Variants in AKNAD1 observed in about 807,000 individuals in gnomAD.
The protein encoded by AKNAD1 is AKNA domain containing 1, also known as protein AKNAD1.
A neutral mutation model predicts 90.8 loss-of-function variants in AKNAD1; 67 were observed. That is an observed-to-expected ratio of 0.74 (90% confidence interval 0.61 to 0.90). The LOEUF is 0.90. AKNAD1 is among the 40% of genes least tolerant of loss of function. The pLI, the probability that AKNAD1 is intolerant of heterozygous loss-of-function variation, is 0.00. For missense variants in AKNAD1, 957 were observed against 975.4 expected (o/e 0.98, Z 0.25); for synonymous variants, 327 against 341.4 (o/e 0.96, Z 0.46).
intron 1 of AKNAD1, among the ~76,000 whole-genome samples, chr1:108,855,442 C>G (rs1250857722): frequency 6.6e-6 from 1 of 150,766 alleles, no homozygotes; most frequent in Non-Finnish European, 1.5e-5. Context: ...TCTACAAGAA[C>G]TTTAAGACAA....
chr1:108,849,135 A>C (rs1557837482), intron 3 of AKNAD1, 75 bp from the exon 4 acceptor site: 1 of 1,329,910 alleles, frequency 7.5e-7, no homozygotes, highest in Non-Finnish European at 1.0e-6. Flanking sequence ...TGAAAACAGA[A>C]AGCTGTTGCA....
intron 9 of AKNAD1, 62 bp downstream of exon 9, chr1:108,834,385 G>GGT (rs1324656689): frequency 8.0e-6 from 11 of 1,370,990 alleles, no homozygotes; most frequent in Non-Finnish European, 1.1e-5. Context: ...CAGCAACACT[G>GGT]GTTTTAGTTA....
intron 6 of AKNAD1, among the ~76,000 whole-genome samples, chr1:108,841,826 G>A (rs1314819735): frequency 6.6e-6 from 1 of 152,106 alleles, no homozygotes; most frequent in Non-Finnish European, 1.5e-5. Context: ...GCCGAGATTT[G>A]GGAAAGTCTG....
At chr1:108,842,104 A>G (rs933007295) in intron 6 of AKNAD1, among the ~76,000 whole-genome samples, 1 of 152,114 alleles carries the variant, frequency 6.6e-6, no homozygotes, top group African/African-American at 2.4e-5. Flanking sequence ...TCTCCCCCCA[A>G]AAAAAGCCTT....
chr1:108,857,981 G>A (rs1665096196), upstream of AKNAD1: 2 of 152,576 alleles, frequency 1.3e-5, no homozygotes, highest in East Asian at 1.9e-4. Flanking sequence ...ATGCTGCTCT[G>A]TCTTCAAACA....
chr1:108,843,339 A>G, intron 5 of AKNAD1, 72 bp from the exon 6 acceptor site: 6 of 1,577,950 alleles, frequency 3.8e-6, no homozygotes, highest in Non-Finnish European at 5.2e-6. Context: ...AAAAACACAA[A>G]GCAGGTGTAC....
chr1:108,830,097 CTT>C (rs2101177153), intron 10 of AKNAD1, among the ~76,000 whole-genome samples: 1 of 152,204 alleles, frequency 6.6e-6, no homozygotes, highest in Admixed American at 6.5e-5. Context: ...ACAGAGAAGA[CTT>C]TTGCTCATCA....
chr1:108,846,898 G>A (rs185427948), intron 5 of AKNAD1, among the ~76,000 whole-genome samples: 246 of 151,970 alleles, frequency 1.6e-3, no homozygotes, highest in Non-Finnish European at 2.5e-3. Context: ...CATTCTAAAC[G>A]GGATCCTCTA....
chr1:108,823,276 C>T (rs761183528), intron 13 of AKNAD1, 94 bp downstream of exon 13: 14 of 1,043,140 alleles, frequency 1.3e-5, no homozygotes, highest in Non-Finnish European at 2.0e-5. Flanking sequence ...CCAGGGCTTC[C>T]CAGATGGAAG....
chr1:108,818,686 G>C (rs1438866956), intron 14 of AKNAD1, among the ~76,000 whole-genome samples: 1 of 152,114 alleles, frequency 6.6e-6, no homozygotes, highest in Non-Finnish European at 1.5e-5. Context: ...AAGTCGGCCA[G>C]GCATGGTGGC....
rs373729478 is a variant in AKNAD1 at position 108,823,259 on chromosome 1, G to C, written c.2167+111C>G. ...GTGCACAAGACCTGGGCAGCAAAAT[G>C]GAGAGGCCAGGGCTTCCCAGATGGA... On this transcript the variant is annotated intron_variant, in intron 13 of 15. Coordinates refer to ENST00000370001, the MANE Select transcript of AKNAD1 (RefSeq NM_152763.5). The C allele has an allele frequency of 6.8e-6, 6 of 881,022 alleles. No homozygotes were observed. In the African/African-American group the frequency reaches 8.3e-5, roughly 12 times the overall value. 54.6% of individuals were successfully genotyped at this position (881,022 alleles called of 1,614,324 possible). A position where few individuals can be genotyped will look rare whatever the true frequency, so the allele number is the denominator to read the frequency against.
chr1:108,849,263 T>C (rs1664785606), intron 3 of AKNAD1, among the ~76,000 whole-genome samples: 1 of 152,146 alleles, frequency 6.6e-6, no homozygotes, highest in African/African-American at 2.4e-5. Context: ...GGGGGATCAC[T>C]TGAAGCCAGG....
chr1:108,841,392 A>G (rs143817402), intron 6 of AKNAD1, among the ~76,000 whole-genome samples: 1 of 152,160 alleles, frequency 6.6e-6, no homozygotes, highest in Non-Finnish European at 1.5e-5. Context: ...AGAACATAAG[A>G]TTTTATGCTG....
rs1328708873 is a variant in AKNAD1 at position 108,841,267 on chromosome 1, GACC to G, written c.1379+1864_1379+1866del. 4.6e-5 allele frequency among the ~76,000 whole-genome samples: 7 copies of G among 152,170 alleles called. No individual in the cohort carries two copies. In the East Asian group the frequency reaches 1.4e-3, roughly 29 times the overall value. On this transcript the variant is annotated intron_variant, in intron 6 of 15. Transcript: ENST00000370001. ...GGAAGTAGAAAGGGATGGGTTCAAGGACCATGGCTAGAGAGGTTGGAGAGCAGA... is the reference window on the plus strand; with the variant it reads ...GGAAGTAGAAAGGGATGGGTTCAAGGATGGCTAGAGAGGTTGGAGAGCAGA...
intron 1 of AKNAD1, 123 bp from the exon 2 acceptor site, chr1:108,852,890 TCAAC>T: frequency 2.5e-6 from 1 of 398,142 alleles, no homozygotes. Flanking sequence ...GGCAGGAAGC[TCAAC>T]CACAAGCTGA....
At chr1:108,853,389 C>A (rs1664930325) in intron 1 of AKNAD1, among the ~76,000 whole-genome samples, 1 of 151,814 alleles carries the variant, frequency 6.6e-6, no homozygotes, top group Non-Finnish European at 1.5e-5. Context: ...CCTTGGCCTC[C>A]CAAAGTGCTG....
At chr1:108,827,624 C>CT (rs1362289833) in intron 10 of AKNAD1, among the ~76,000 whole-genome samples, 1 of 150,372 alleles carries the variant, frequency 6.7e-6, no homozygotes, top group Non-Finnish European at 1.5e-5. Context: ...ACCATCCTGG[C>CT]TAACACGGTG....
At chr1:108,839,168 T>C (rs115248628) in intron 6 of AKNAD1, among the ~76,000 whole-genome samples, 1,957 of 152,234 alleles carry the variant, frequency 0.013, 35 homozygotes, top group African/African-American at 0.045. Flanking sequence ...ATAAGTCCTA[T>C]ATTATTAGAC....
intron 11 of AKNAD1, among the ~76,000 whole-genome samples, chr1:108,825,490 T>C (rs61797358): frequency 0.091 from 13,845 of 151,736 alleles, 893 homozygotes; most frequent in African/African-American, 0.13. Flanking sequence ...TTCAAACTTT[T>C]GATTCCAGAA....
Sources: allele counts gnomAD v4.1 joint callset (sites outside exome capture counted in the v4.1 genomes callset), GRCh38; gene constraint gnomAD v4.1.1; transcripts MANE v1.5; gene names NCBI Gene and HGNC (gene_info 2026-07-23, HGNC 2026-07-21).